The following ZFHX3 variants were observed in gnomAD, a reference collection of about 807,000 sequenced individuals.
ZFHX3 encodes zinc finger homeobox 3.
Under a neutral mutation model 279.1 loss-of-function variants are expected in ZFHX3, and 42 were observed. The observed-to-expected ratio is 0.15, with a 90% CI of 0.12 to 0.19. The LOEUF (loss-of-function observed/expected upper bound fraction) is 0.19. Among genes scored for constraint, ZFHX3 ranks in the 10% least tolerant of loss-of-function variants. The pLI, the probability that ZFHX3 is intolerant of heterozygous loss-of-function variation, is 1.00. For synonymous variants in ZFHX3, 2,293 were observed against 1,957.8 expected, an observed-to-expected ratio of 1.17 and a Z score of -4.52; for missense variants, 4,981 against 4,754.0, an observed-to-expected ratio of 1.05 and a Z score of -1.40.
intron 4 of ZFHX3, among the ~76,000 whole-genome samples, chr16:73,292,179 G>C (rs2014789134): frequency 6.6e-6 from 1 of 152,216 alleles, no homozygotes; most frequent in South Asian, 2.1e-4. Flanking sequence ...TTAGAAGACA[G>C]AAGGAAATTT....
At chr16:73,790,196 C>G (rs906600427) in intron 1 of ZFHX3, among the ~76,000 whole-genome samples, 1 of 151,402 alleles carries the variant, frequency 6.6e-6, no homozygotes, top group Non-Finnish European at 1.5e-5. Context: ...TGGCACTTCT[C>G]TCAAATTCAG....
chr16:73,147,408 T>A (rs908108926), intron 5 of ZFHX3, among the ~76,000 whole-genome samples: 1 of 150,262 alleles, frequency 6.7e-6, no homozygotes, highest in Non-Finnish European at 1.5e-5. Flanking sequence ...AATAAAAAAA[T>A]TGGGCCGGGC....
intron 2 of ZFHX3, among the ~76,000 whole-genome samples, chr16:73,652,243 T>C (rs2052678924): frequency 6.6e-6 from 1 of 152,306 alleles, no homozygotes; most frequent in East Asian, 1.9e-4. Context: ...CAGGAGCTTA[T>C]GTGCTACCAC....
intron 7 of ZFHX3, among the ~76,000 whole-genome samples, chr16:72,801,840 G>A (rs1028164402): frequency 1.3e-5 from 2 of 151,964 alleles, no homozygotes; most frequent in African/African-American, 4.8e-5. Flanking sequence ...GGGAATCCGA[G>A]AAGTGAAAGG....
At chr16:73,374,130 T>C (rs189591058) in intron 3 of ZFHX3, among the ~76,000 whole-genome samples, 1 of 152,106 alleles carries the variant, frequency 6.6e-6, no homozygotes, top group African/African-American at 2.4e-5. Context: ...GCGCAGAAAA[T>C]GAGGGAGCCG....
Position 73,261,567 on chromosome 16 carries a change from A to G in ZFHX3, c.-1193-4431T>C, listed in dbSNP as rs78669930. On this transcript the variant is annotated intron_variant, in intron 4 of 17. Transcript: ENST00000641206. ...TAAGGTATTCATTGAGAACTCAAAT[A>G]TCAGAAGGGGAATTCTGTTTTCCAA... Among the ~76,000 whole-genome samples the G allele has an allele frequency of 6.6e-3, 999 of 152,270 alleles. 12 individuals carry two copies. The highest frequency in any genetic ancestry group is 0.023 in the African/African-American group (961 of 41,566).
chr16:73,509,520 CCTTTTT>C (rs2019386632), intron 2 of ZFHX3, among the ~76,000 whole-genome samples: 1 of 129,788 alleles, frequency 7.7e-6, no homozygotes, highest in Non-Finnish European at 1.5e-5. Context: ...CTTTCCCTCT[CCTTTTT>C]TTTTTTTTTT....
At chr16:72,909,098 T>C (rs960495200) in intron 3 of ZFHX3, among the ~76,000 whole-genome samples, 7 of 152,192 alleles carry the variant, frequency 4.6e-5, no homozygotes, top group Non-Finnish European at 5.9e-5. Flanking sequence ...ATCACAGAAA[T>C]AAGCCAGAGC....
chr16:73,473,370 A>AC (rs1425627104), intron 2 of ZFHX3, among the ~76,000 whole-genome samples: 10 of 150,916 alleles, frequency 6.6e-5, no homozygotes, highest in Admixed American at 4.6e-4. Context: ...AAAAAAAAAA[A>AC]AACAAAATAA....
At chr16:73,242,927 G>A (rs1457695883) in intron 5 of ZFHX3, among the ~76,000 whole-genome samples, 3 of 152,220 alleles carry the variant, frequency 2.0e-5, no homozygotes, top group African/African-American at 4.8e-5. Context: ...AATGAATCAC[G>A]AGGCATTTGG....
chr16:72,910,343 G>A (rs1181575472), intron 3 of ZFHX3, among the ~76,000 whole-genome samples: 2 of 152,158 alleles, frequency 1.3e-5, no homozygotes, highest in African/African-American at 2.4e-5. Flanking sequence ...TCATCCCTGC[G>A]TCATGCCATG....
chr16:73,424,386 C>T (rs1009334110), intron 3 of ZFHX3, among the ~76,000 whole-genome samples: 11 of 152,160 alleles, frequency 7.2e-5, no homozygotes, highest in Admixed American at 6.5e-4. Context: ...CTAGCTTTTG[C>T]TCTTCCAGGG....
At chr16:72,833,779 C>CT (rs893985905) in intron 4 of ZFHX3, among the ~76,000 whole-genome samples, 2 of 152,116 alleles carry the variant, frequency 1.3e-5, no homozygotes, top group Non-Finnish European at 2.9e-5. Flanking sequence ...GAGAAGGTGT[C>CT]TCTAAAACCC....
At chr16:72,803,566 G>A (rs1228575450) in intron 7 of ZFHX3, among the ~76,000 whole-genome samples, 1 of 151,986 alleles carries the variant, frequency 6.6e-6, no homozygotes, top group African/African-American at 2.4e-5. Flanking sequence ...CCCCTCTCTG[G>A]CCGCAATCCT....
At chr16:73,171,338 T>C (rs987241552) in intron 5 of ZFHX3, among the ~76,000 whole-genome samples, 3 of 151,816 alleles carry the variant, frequency 2.0e-5, no homozygotes, top group African/African-American at 7.3e-5. Context: ...AAGGAAACTG[T>C]AGGGTCAGGC....
intron 3 of ZFHX3, among the ~76,000 whole-genome samples, chr16:72,921,069 CA>C (rs57294537): frequency 0.064 from 1,515 of 23,534 alleles, 5 homozygotes; most frequent in African/African-American, 0.092. Context: ...CAGACCTTGT[CA>C]AAAAAAAAAA....
At chr16:73,622,141 G>A (rs1037452034) in intron 2 of ZFHX3, among the ~76,000 whole-genome samples, 6 of 152,150 alleles carry the variant, frequency 3.9e-5, no homozygotes, top group South Asian at 2.1e-4. Flanking sequence ...ACAGACAGGC[G>A]TCTTCTGCTT....
At chr16:73,524,373 G>T (rs1002136469) in intron 2 of ZFHX3, among the ~76,000 whole-genome samples, 2 of 152,182 alleles carry the variant, frequency 1.3e-5, no homozygotes, top group African/African-American at 4.8e-5. Context: ...TGCAAAGTTG[G>T]AGTTTAAGGG....
chr16:73,153,395 G>T (rs1345196387), intron 5 of ZFHX3, among the ~76,000 whole-genome samples: 1 of 152,138 alleles, frequency 6.6e-6, no homozygotes, highest in Non-Finnish European at 1.5e-5. Context: ...AAAGTGCTGG[G>T]ATTACAGCCA....
Sources: gnomAD v4.1 joint callset for allele counts (sites outside exome capture counted in the v4.1 genomes callset) on GRCh38, gnomAD v4.1.1 for gene constraint, MANE v1.5 for transcripts, NCBI Gene and HGNC (gene_info 2026-07-23, HGNC 2026-07-21) for gene names.